Variants in TRMT11 observed in about 807,000 individuals in gnomAD.
TRMT11 encodes the protein tRNA (guanine(10)-N(2))-methyltransferase TRMT11.
TRMT11 carries 53 observed loss-of-function variants against 62.8 expected under a neutral mutation model. The observed-to-expected ratio is 0.84, with a 90% CI of 0.68 to 1.06. The LOEUF (loss-of-function observed/expected upper bound fraction) is 1.06, where lower values mean the gene tolerates loss of function less well. Among genes scored for constraint, TRMT11 ranks in the 50% least tolerant of loss-of-function variants. TRMT11 has a pLI of 0.00. For synonymous variants in TRMT11, 188 were observed against 190.3 expected, an observed-to-expected ratio of 0.99 and a Z score of 0.10; for missense variants, 556 against 553.4, an observed-to-expected ratio of 1.00 and a Z score of -0.05.
At chr6:126,226,127 A>C in the TRMT11 span, among the ~76,000 whole-genome samples, 1 of 152,226 alleles carries the variant, frequency 6.6e-6, no homozygotes, top group African/African-American at 2.4e-5. Context: ...AATAAAACCC[A>C]AAACTAGCAT....
intron 17 of TRMT11, among the ~76,000 whole-genome samples, chr6:126,087,769 C>T (rs1048806552): frequency 1.3e-5 from 2 of 152,192 alleles, no homozygotes; most frequent in African/African-American, 4.8e-5. Context: ...TTCTTCCCAA[C>T]GTATTACACA....
chr6:126,250,762 C>T, the TRMT11 span, among the ~76,000 whole-genome samples: 1 of 152,142 alleles, frequency 6.6e-6, no homozygotes, highest in Admixed American at 6.5e-5. Context: ...CTATATCCTT[C>T]TACCCATACA....
chr6:126,149,223 A>C (rs1778009489), intron 21 of TRMT11, among the ~76,000 whole-genome samples: 1 of 152,256 alleles, frequency 6.6e-6, no homozygotes, highest in South Asian at 2.1e-4. Flanking sequence ...CGGCTGGCTA[A>C]GCAGTTGCAA....
chr6:126,230,857 G>A, the TRMT11 span, among the ~76,000 whole-genome samples: 2 of 152,084 alleles, frequency 1.3e-5, no homozygotes, highest in Non-Finnish European at 2.9e-5. Context: ...ATATGTCTAC[G>A]TTAAAACTGT....
At chr6:126,113,131 G>A (rs771354653) in intron 18 of TRMT11, among the ~76,000 whole-genome samples, 32 of 152,030 alleles carry the variant, frequency 2.1e-4, no homozygotes, top group Non-Finnish European at 3.4e-4. Context: ...AATGTGCTAA[G>A]TGCTATCACT....
chr6:126,032,230 T>C (rs1254693759), intron 12 of TRMT11, among the ~76,000 whole-genome samples: 1 of 152,194 alleles, frequency 6.6e-6, no homozygotes, highest in African/African-American at 2.4e-5. Flanking sequence ...CCCTACATGG[T>C]GGCCAGAGTA....
intron 1 of TRMT11, among the ~76,000 whole-genome samples, chr6:125,992,992 A>T (rs960632401): frequency 2.6e-5 from 4 of 152,026 alleles, no homozygotes; most frequent in African/African-American, 9.7e-5. Flanking sequence ...TTCCCTTTTG[A>T]TGGCGGTGGG....
At position 126,078,081 on chromosome 6, in the gene TRMT11, A is replaced by C. The variant is rs1777071259; in HGVS notation, c.*1437+24891A>C. Among the ~76,000 whole-genome samples, 3 of 152,232 alleles carry C rather than the reference A, an allele frequency of 2.0e-5. 1 individual carries two copies. In the South Asian group the frequency reaches 6.2e-4, roughly 32 times the overall value. On this transcript the variant is annotated intron_variant and NMD_transcript_variant, in intron 17 of 22. Transcript: ENST00000648977. ...CTACTTACTGTGGCTTCATTGCATA[A>C]ATTTTATGCTCATTGGAGAGAATAT...
chr6:126,095,708 TA>T (rs1381661513), intron 17 of TRMT11, among the ~76,000 whole-genome samples: 1 of 152,088 alleles, frequency 6.6e-6, no homozygotes, highest in African/African-American at 2.4e-5. Context: ...ATACCTATTA[TA>T]ATAAAGGTAT....
At chr6:126,172,277 C>T (rs939111159), upstream of TRMT11, among the ~76,000 whole-genome samples, 7 of 152,132 alleles carry the variant, frequency 4.6e-5, no homozygotes, top group Admixed American at 6.5e-5. Context: ...GGTGTCACAT[C>T]GACAAAGGGA....
At chr6:126,012,420 C>T (rs1264831156) in intron 9 of TRMT11, among the ~76,000 whole-genome samples, 1 of 152,122 alleles carries the variant, frequency 6.6e-6, no homozygotes, top group African/African-American at 2.4e-5. Context: ...TACAGTTTGC[C>T]ATTCAGTTTT....
At chr6:126,103,967 G>A (rs939166129) in intron 17 of TRMT11, among the ~76,000 whole-genome samples, 19 of 152,100 alleles carry the variant, frequency 1.2e-4, no homozygotes, top group Admixed American at 5.2e-4. Flanking sequence ...GGACCACCTT[G>A]GAGCCTATCC....
At chr6:126,168,521 CTTATT>C (rs780019074) in intron 21 of TRMT11, among the ~76,000 whole-genome samples, 1 of 152,012 alleles carries the variant, frequency 6.6e-6, no homozygotes, top group Non-Finnish European at 1.5e-5. Context: ...GAAAAGAGGT[CTTATT>C]TTATTTTTCC....
the TRMT11 span, among the ~76,000 whole-genome samples, chr6:126,256,688 A>G: frequency 2.6e-5 from 4 of 152,196 alleles, no homozygotes; most frequent in African/African-American, 9.6e-5. Flanking sequence ...ACATTGGTCC[A>G]TAATAATTCT....
intron 21 of TRMT11, among the ~76,000 whole-genome samples, chr6:126,163,006 A>C (rs1215380768): frequency 6.6e-6 from 1 of 152,208 alleles, no homozygotes. Context: ...ATCTGCAAAC[A>C]GAGACAATTT....
intron 16 of TRMT11, among the ~76,000 whole-genome samples, chr6:126,049,697 G>A (rs192966517): frequency 2.3e-3 from 344 of 152,314 alleles, no homozygotes; most frequent in Non-Finnish European, 4.1e-3. Flanking sequence ...AAGTACACAG[G>A]AGAAGCCTCA....
At chr6:126,244,547 T>C in the TRMT11 span, among the ~76,000 whole-genome samples, 2 of 152,162 alleles carry the variant, frequency 1.3e-5, no homozygotes, top group Admixed American at 1.3e-4. Flanking sequence ...GGAAATCAGC[T>C]TTTGACAGGG....
chr6:126,252,890 T>C, the TRMT11 span, among the ~76,000 whole-genome samples: 2 of 152,174 alleles, frequency 1.3e-5, no homozygotes, highest in African/African-American at 2.4e-5. Flanking sequence ...CTTCAGGAAG[T>C]AGAGGAGGAG....
chr6:126,203,825 T>A (rs1345538280), downstream of TRMT11, among the ~76,000 whole-genome samples: 1 of 152,222 alleles, frequency 6.6e-6, no homozygotes, highest in Non-Finnish European at 1.5e-5. Context: ...ATATTCTGTG[T>A]ATAGAATGAT....
Sources: allele counts gnomAD v4.1 joint callset (sites outside exome capture counted in the v4.1 genomes callset), GRCh38; gene constraint gnomAD v4.1.1; transcripts MANE v1.5; gene names NCBI Gene and HGNC (gene_info 2026-07-23, HGNC 2026-07-21).